SLC2A13: variants seen among roughly 807,000 people sequenced by gnomAD.
The protein encoded by SLC2A13 is solute carrier family 2 member 13.
In SLC2A13, 32 loss-of-function variants were observed where a neutral mutation model predicts 64.4. That is an observed-to-expected ratio of 0.50 (90% CI 0.37 to 0.67). SLC2A13 has a LOEUF of 0.67. Among genes scored for constraint, SLC2A13 ranks in the 30% least tolerant of loss-of-function variants. The probability of loss-of-function intolerance (pLI) is 0.00; values close to 1 mark genes in which losing one functional copy is unlikely to be tolerated. For missense variants in SLC2A13, 743 were observed against 829.2 expected (o/e 0.90, Z 1.28); for synonymous variants, 338 against 327.1 (o/e 1.03, Z -0.36).
chr12:40,039,085 A>C (rs1247543200), intron 2 of SLC2A13, among the ~76,000 whole-genome samples: 1 of 152,190 alleles, frequency 6.6e-6, no homozygotes, highest in African/African-American at 2.4e-5. Context: ...GCCAGCTGAT[A>C]ATTTTTGCTT....
At chr12:39,955,842 A>C (rs1946305607) in intron 3 of SLC2A13, among the ~76,000 whole-genome samples, 1 of 152,172 alleles carries the variant, frequency 6.6e-6, no homozygotes, top group South Asian at 2.1e-4. Flanking sequence ...CAGAAGCTGG[A>C]AAAAGGAAGG....
At chr12:40,056,908 A>G (rs1483782190) in intron 1 of SLC2A13, among the ~76,000 whole-genome samples, 1 of 152,092 alleles carries the variant, frequency 6.6e-6, no homozygotes, top group African/African-American at 2.4e-5. Flanking sequence ...AGAACCCGGG[A>G]GGTGGAGCTT....
chr12:40,081,326 C>T (rs17518357), intron 1 of SLC2A13, among the ~76,000 whole-genome samples: 3,596 of 152,270 alleles, frequency 0.024, 138 homozygotes, highest in African/African-American at 0.078. Context: ...CTGTCTTTCT[C>T]GAATGTAAAT....
chr12:40,078,913 T>A (rs1435608475), intron 1 of SLC2A13, among the ~76,000 whole-genome samples: 11 of 152,182 alleles, frequency 7.2e-5, no homozygotes, highest in Non-Finnish European at 4.4e-5. Flanking sequence ...TTCTAGTTGG[T>A]GTGCATAGAG....
intron 3 of SLC2A13, among the ~76,000 whole-genome samples, chr12:39,960,864 C>T (rs1222168011): frequency 2.0e-5 from 3 of 146,808 alleles, no homozygotes; most frequent in East Asian, 2.0e-4. Flanking sequence ...TCTCCTTTCT[C>T]GACCTCTCGA....
At chr12:40,025,617 T>G (rs1947790693) in intron 3 of SLC2A13, among the ~76,000 whole-genome samples, 1 of 152,170 alleles carries the variant, frequency 6.6e-6, no homozygotes, top group South Asian at 2.1e-4. Flanking sequence ...AGAAATAGGG[T>G]GTCTTAAACA....
chr12:39,886,008 C>T (rs893891238), intron 4 of SLC2A13, among the ~76,000 whole-genome samples: 11 of 152,168 alleles, frequency 7.2e-5, no homozygotes, highest in Admixed American at 2.0e-4. Context: ...TCCTAAATCA[C>T]TAATTTTAAG....
intron 7 of SLC2A13, among the ~76,000 whole-genome samples, chr12:39,803,078 G>A (rs1207952849): frequency 6.6e-6 from 1 of 151,958 alleles, no homozygotes; most frequent in African/African-American, 2.4e-5. Context: ...GAGAAGTAAA[G>A]TACAGCCATT....
chr12:40,008,750 A>G (rs1947467692), intron 3 of SLC2A13, among the ~76,000 whole-genome samples: 1 of 152,228 alleles, frequency 6.6e-6, no homozygotes, highest in Non-Finnish European at 1.5e-5. Flanking sequence ...GAAAGAAATT[A>G]CCATGGAAAC....
chr12:39,925,166 G>A (rs1218909652), intron 4 of SLC2A13, among the ~76,000 whole-genome samples: 4 of 151,288 alleles, frequency 2.6e-5, no homozygotes, highest in Admixed American at 6.6e-5. Flanking sequence ...CTGAGTAGCT[G>A]GGACTATGGG....
intron 4 of SLC2A13, among the ~76,000 whole-genome samples, chr12:39,921,351 C>T (rs1336453776): frequency 6.6e-6 from 1 of 151,984 alleles, no homozygotes; most frequent in Non-Finnish European, 1.5e-5. Context: ...TCAAAGAATC[C>T]AGTGACAAAG....
At chr12:40,059,378 C>G (rs1948382210) in intron 1 of SLC2A13, among the ~76,000 whole-genome samples, 1 of 152,128 alleles carries the variant, frequency 6.6e-6, no homozygotes, top group Non-Finnish European at 1.5e-5. Context: ...AAAACAGATA[C>G]ACATTGAGTA....
chr12:39,793,096 T>C (rs1177667196), intron 7 of SLC2A13, among the ~76,000 whole-genome samples: 2 of 152,152 alleles, frequency 1.3e-5, no homozygotes, highest in Non-Finnish European at 2.9e-5. Context: ...CCATCATATA[T>C]GTAGAAAATC....
intron 5 of SLC2A13, among the ~76,000 whole-genome samples, chr12:39,868,552 A>G (rs1943964908): frequency 6.6e-6 from 1 of 152,170 alleles, no homozygotes; most frequent in Admixed American, 6.5e-5. Flanking sequence ...TTAAGGCCCA[A>G]TAATCCATGT....
chr12:40,065,965 ATAT>A (rs1289895594), intron 1 of SLC2A13, among the ~76,000 whole-genome samples: 1 of 152,202 alleles, frequency 6.6e-6, no homozygotes, highest in Non-Finnish European at 1.5e-5. Flanking sequence ...TCTAATCCTA[ATAT>A]TCATGTTTAT....
chr12:39,792,922 T>C (rs1313879828), intron 7 of SLC2A13, among the ~76,000 whole-genome samples: 1 of 152,200 alleles, frequency 6.6e-6, no homozygotes, highest in Non-Finnish European at 1.5e-5. Flanking sequence ...CTCTATGGTA[T>C]CTTTTTGTGA....
intron 7 of SLC2A13, among the ~76,000 whole-genome samples, chr12:39,786,994 TTA>T (rs923988643): frequency 1.8e-5 from 1 of 55,916 alleles, no homozygotes; most frequent in African/African-American, 6.2e-5. Flanking sequence ...TTTCTTTTTT[TTA>T]AAAAAATAAT....
chr12:39,826,737 T>G (rs561827703), intron 7 of SLC2A13, among the ~76,000 whole-genome samples: 3 of 151,208 alleles, frequency 2.0e-5, no homozygotes, highest in African/African-American at 7.3e-5. Flanking sequence ...TGCTGAATTA[T>G]AACACATATA....
chr12:39,849,667 T>G (rs1268490814), intron 6 of SLC2A13, among the ~76,000 whole-genome samples: 1 of 152,192 alleles, frequency 6.6e-6, no homozygotes, highest in Non-Finnish European at 1.5e-5. Flanking sequence ...TCTGACAGGA[T>G]AATTACCAAG....
Sources: allele counts gnomAD v4.1 joint callset (sites outside exome capture counted in the v4.1 genomes callset), GRCh38; gene constraint gnomAD v4.1.1; transcripts MANE v1.5; gene names NCBI Gene and HGNC (gene_info 2026-07-23, HGNC 2026-07-21).